NINJ2: variants seen among roughly 807,000 people sequenced by gnomAD.
NINJ2 encodes the protein ninjurin 2, also known as ninjurin-2.
Under a neutral mutation model 11.7 loss-of-function variants are expected in NINJ2, and 12 were observed. The observed-to-expected ratio is 1.02, with a 90% confidence interval of 0.66 to 1.66. The LOEUF (loss-of-function observed/expected upper bound fraction) is 1.66. Ranked by LOEUF, NINJ2 falls within the 40% of genes most tolerant of loss-of-function variation. The probability of loss-of-function intolerance (pLI) is 0.00; values close to 1 mark genes in which losing one functional copy is unlikely to be tolerated. For synonymous variants in NINJ2, 93 were observed against 76.8 expected, an observed-to-expected ratio of 1.21 and a Z score of -1.10; for missense variants, 187 against 181.8, an observed-to-expected ratio of 1.03 and a Z score of -0.16.
intron 1 of NINJ2, among the ~76,000 whole-genome samples, chr12:607,950 TGGG>T (rs1156440814): frequency 2.6e-5 from 4 of 152,150 alleles, no homozygotes; most frequent in Non-Finnish European, 5.9e-5. Context: ...GTCTTTGTGC[TGGG>T]GGTTCCGTTG....
At chr12:629,384 T>A (rs575210685) in intron 1 of NINJ2, among the ~76,000 whole-genome samples, 1 of 152,160 alleles carries the variant, frequency 6.6e-6, no homozygotes, top group Non-Finnish European at 1.5e-5. Flanking sequence ...GCCACTGCGA[T>A]GCCACCTGGG....
At chr12:606,149 G>C (rs952912424) in intron 1 of NINJ2, among the ~76,000 whole-genome samples, 1 of 152,134 alleles carries the variant, frequency 6.6e-6, no homozygotes, top group Non-Finnish European at 1.5e-5. Flanking sequence ...TGGGATTACA[G>C]GCATGAGCCA....
chr12:616,709 G>A (rs1057303776), intron 1 of NINJ2, among the ~76,000 whole-genome samples: 1 of 152,224 alleles, frequency 6.6e-6, no homozygotes, highest in Non-Finnish European at 1.5e-5. Context: ...TCTGAGTGGT[G>A]TCAGGAAACT....
intron 1 of NINJ2, among the ~76,000 whole-genome samples, chr12:588,291 A>G (rs1177638257): frequency 1.3e-5 from 2 of 151,572 alleles, no homozygotes; most frequent in Admixed American, 6.5e-5. Flanking sequence ...ACTCCTTCAA[A>G]TAGTCCCCTT....
chr12:605,620 A>G (rs544851574), intron 1 of NINJ2, among the ~76,000 whole-genome samples: 2 of 152,320 alleles, frequency 1.3e-5, no homozygotes, highest in African/African-American at 2.4e-5. Flanking sequence ...TCTGGAGTCC[A>G]CTCAGCAAAG....
intron 1 of NINJ2, among the ~76,000 whole-genome samples, chr12:567,770 C>G (rs1048489109): frequency 6.6e-6 from 1 of 152,174 alleles, no homozygotes; most frequent in South Asian, 2.1e-4. Context: ...CTTTGAGAGG[C>G]CAAGGCAGGG....
At chr12:596,747 A>T (rs1183630180) in intron 1 of NINJ2, among the ~76,000 whole-genome samples, 1 of 152,028 alleles carries the variant, frequency 6.6e-6, no homozygotes, top group Non-Finnish European at 1.5e-5. Context: ...ACATGGCAAA[A>T]TCCTGTCTCT....
rs762158123 is a variant in NINJ2 at position 633,225 on chromosome 12, C to T, written c.33+30103G>A. 1.1e-4 allele frequency among the ~76,000 whole-genome samples: 17 copies of T among 152,110 alleles called. 1 individual carries two copies. Among genetic ancestry groups the T allele is most frequent in the Middle Eastern group, 6.8e-3 (2 of 294 alleles). On this transcript the variant is annotated intron_variant, in intron 1 of 3. Transcript: ENST00000305108. The surrounding 1 kb of genome is among the most constrained non-coding windows in gnomAD (Gnocchi z 4.3). The stretch of plus-strand genomic sequence containing the variant: ...CATTAAAAAAAAACAAGGCCGGGCG[C>T]GGTGGCTCACACCTGTAATCCTAGC...
intron 1 of NINJ2, among the ~76,000 whole-genome samples, chr12:620,459 C>T (rs745864567): frequency 2.9e-4 from 44 of 152,242 alleles, no homozygotes; most frequent in Non-Finnish European, 5.9e-4. Context: ...AAAGCCTGTG[C>T]TGTTTGTCAA....
intron 1 of NINJ2, among the ~76,000 whole-genome samples, chr12:605,650 A>G (rs560006368): frequency 2.6e-5 from 4 of 152,304 alleles, no homozygotes; most frequent in Admixed American, 6.5e-5. Flanking sequence ...CCCACCCTAC[A>G]TTTCTGCATT....
chr12:659,489 C>T (rs1355432510), intron 1 of NINJ2, among the ~76,000 whole-genome samples: 2 of 152,166 alleles, frequency 1.3e-5, no homozygotes, highest in African/African-American at 4.8e-5. Context: ...CACATCCAGA[C>T]TCTGGGAGAT....
chr12:647,505 T>G (rs1449210572), intron 1 of NINJ2, among the ~76,000 whole-genome samples: 1 of 152,168 alleles, frequency 6.6e-6, no homozygotes, highest in Non-Finnish European at 1.5e-5. Context: ...AACCTTTGTC[T>G]TCTTAGAAAG....
At chr12:602,580 T>C (rs1947886863) in intron 1 of NINJ2, among the ~76,000 whole-genome samples, 1 of 152,262 alleles carries the variant, frequency 6.6e-6, no homozygotes, top group Non-Finnish European at 1.5e-5. Context: ...ATAATGCTGC[T>C]GTGCACATTG....
rs373900838 is a variant in NINJ2 at position 617,663 on chromosome 12, G to A, written c.33+45665C>T. Among the ~76,000 whole-genome samples the A allele has an allele frequency of 2.4e-4, 36 of 152,348 alleles. No individual in the cohort carries two copies. The South Asian group carries it at 7.2e-3, about 31-fold the overall frequency. ...AAGGCCGGCTGGCTGAGCACTCCCA[G>A]CTGCAGCCCCGCTGGCGTCGCCGTG... On this transcript the variant is annotated intron_variant, in intron 1 of 3. Transcript: ENST00000305108.
intron 1 of NINJ2, among the ~76,000 whole-genome samples, chr12:607,479 A>T (rs983844142): frequency 3.3e-5 from 5 of 152,222 alleles, no homozygotes; most frequent in Admixed American, 2.0e-4. Flanking sequence ...GCAAGCACAC[A>T]ACCAAAAAGA....
chr12:629,454 C>T (rs1948244763), intron 1 of NINJ2, among the ~76,000 whole-genome samples: 1 of 152,174 alleles, frequency 6.6e-6, no homozygotes, highest in Admixed American at 6.5e-5. Context: ...TCCTGTCTTC[C>T]AGGTCTCTCC....
chr12:661,291 A>G (rs1290314483), intron 1 of NINJ2, among the ~76,000 whole-genome samples: 1 of 152,238 alleles, frequency 6.6e-6, no homozygotes, highest in Non-Finnish European at 1.5e-5. Context: ...TATGTTGCCC[A>G]GGCTGATCTC....
At chr12:617,806 C>A (rs1164138429) in intron 1 of NINJ2, among the ~76,000 whole-genome samples, 1 of 152,120 alleles carries the variant, frequency 6.6e-6, no homozygotes, top group East Asian at 1.9e-4. Context: ...GCCCTGCCTC[C>A]TAAGAAGGGG....
intron 1 of NINJ2, among the ~76,000 whole-genome samples, chr12:600,566 A>G (rs1400618461): frequency 1.3e-5 from 2 of 152,170 alleles, no homozygotes; most frequent in East Asian, 3.9e-4. Context: ...AAAAATAAAT[A>G]AATAATAAAA....
Sources: allele counts gnomAD v4.1 joint callset (sites outside exome capture counted in the v4.1 genomes callset), GRCh38; gene constraint gnomAD v4.1.1; non-coding constraint Gnocchi (gnomAD v3.1); transcripts MANE v1.5; gene names NCBI Gene and HGNC (gene_info 2026-07-23, HGNC 2026-07-21).